BSPH1: variants seen among roughly 807,000 people sequenced by gnomAD.
The protein encoded by BSPH1 is binder of sperm 1.
BSPH1 carries 21 observed loss-of-function variants against 22.5 expected under a neutral mutation model. That is an observed-to-expected ratio of 0.93 (90% confidence interval 0.66 to 1.35). BSPH1 has a LOEUF of 1.35. Ranked by LOEUF, BSPH1 falls within the 40% of genes most tolerant of loss-of-function variation. BSPH1 has a pLI of 0.00. For synonymous variants in BSPH1, 42 were observed against 53.6 expected, an observed-to-expected ratio of 0.78 and a Z score of 0.95; for missense variants, 141 against 154.2, an observed-to-expected ratio of 0.91 and a Z score of 0.45.
intron 1 of BSPH1, among the ~76,000 whole-genome samples, chr19:47,981,985 G>C (rs929094231): frequency 1.3e-5 from 2 of 152,102 alleles, no homozygotes; most frequent in Non-Finnish European, 2.9e-5. Context: ...TCATTTAATT[G>C]AGGCTTTAAG....
chr19:47,976,928 C>T, intron 4 of BSPH1, 74 bp from the exon 5 acceptor site: 2 of 1,343,618 alleles, frequency 1.5e-6, no homozygotes, highest in South Asian at 2.6e-5. Flanking sequence ...ACACCATGCA[C>T]ACACATGCAC....
chr19:47,989,492 G>A (rs1321606285), intron 1 of BSPH1, among the ~76,000 whole-genome samples: 1 of 151,926 alleles, frequency 6.6e-6, no homozygotes, highest in Admixed American at 6.6e-5. Flanking sequence ...TGATGAGGAT[G>A]AGGAGGAACC....
rs189761956 is a variant in BSPH1, at chr19:47,984,817, C to T, written c.74-3876G>A. Reference sequence around the variant, plus strand: ...GATGGCCGGGTGCAGTGGCTCATGCCTGTAATCCCAGCACTTTGGGAAGCT... The same window carrying T: ...GATGGCCGGGTGCAGTGGCTCATGCTTGTAATCCCAGCACTTTGGGAAGCT... On this transcript the variant is annotated intron_variant, in intron 1 of 5. Transcript: ENST00000344839. 3.0e-3 allele frequency among the ~76,000 whole-genome samples: 455 copies of T among 152,196 alleles called. 1 individual carries two copies. The highest frequency in any genetic ancestry group is 0.01 in the African/African-American group (429 of 41,540).
intron 1 of BSPH1, chr19:47,981,850 C>T (rs985715910): frequency 2.3e-6 from 1 of 426,480 alleles, no homozygotes; most frequent in Non-Finnish European, 3.1e-6. Context: ...TTACCTCCCC[C>T]TCCTTAGAAC....
intron 5 of BSPH1, among the ~76,000 whole-genome samples, chr19:47,974,276 T>C (rs1198866768): frequency 1.3e-5 from 2 of 149,460 alleles, no homozygotes; most frequent in African/African-American, 2.5e-5. Flanking sequence ...TCTCTTTTTT[T>C]TTTTTTTTTT....
chr19:47,986,686 A>C (rs529103693), intron 1 of BSPH1, among the ~76,000 whole-genome samples: 1 of 152,174 alleles, frequency 6.6e-6, no homozygotes, highest in South Asian at 2.1e-4. Flanking sequence ...TCAAGACTGC[A>C]GTGAGCCGTG....
At chr19:47,980,412 G>A (rs375946497) in intron 2 of BSPH1, 1 of 535,980 alleles carries the variant, frequency 1.9e-6, no homozygotes, top group Non-Finnish European at 2.4e-6. Context: ...TACATGTAAT[G>A]ACATGTTTAA....
At chr19:47,968,985 C>T (rs1327005306) in intron 5 of BSPH1, among the ~76,000 whole-genome samples, 5 of 142,950 alleles carry the variant, frequency 3.5e-5, no homozygotes, top group Middle Eastern at 3.6e-3. Context: ...GGCGACAGAG[C>T]GAGACCCTAT....
chr19:47,969,724 A>AGAGAGAGG (rs1568394481), intron 5 of BSPH1, among the ~76,000 whole-genome samples: 3 of 129,478 alleles, frequency 2.3e-5, no homozygotes, highest in Admixed American at 8.1e-5. Context: ...AGAGAGAGAG[A>AGAGAGAGG]GACTTTAGAA....
chr19:47,978,991 T>G (rs537825644), intron 3 of BSPH1, among the ~76,000 whole-genome samples: 6 of 152,366 alleles, frequency 3.9e-5, no homozygotes, highest in Admixed American at 3.9e-4. Flanking sequence ...TTCTAATATA[T>G]CCTGGGATCC....
At chr19:47,988,102 A>G (rs1278272547) in intron 1 of BSPH1, among the ~76,000 whole-genome samples, 2 of 152,204 alleles carry the variant, frequency 1.3e-5, no homozygotes, top group African/African-American at 4.8e-5. Context: ...ATGAACCTGG[A>G]GGACATTATG....
In BSPH1 at chr19:47,978,112, T is replaced by C. The variant is rs1325217121; in HGVS notation, c.125-608A>G. Among the ~76,000 whole-genome samples, 4 of 151,192 alleles carry C rather than the reference T, an allele frequency of 2.6e-5. No individual in the cohort carries two copies. The East Asian group carries it at 7.8e-4, about 29-fold the overall frequency. On this transcript the variant is annotated intron_variant, in intron 3 of 5. Coordinates refer to ENST00000344839, the MANE Select transcript of BSPH1 (RefSeq NM_001128326.2). ...AAATGAATCATATTTTATACTTGAGTTTCCGACTTAACACATCACAGAAAT... is the reference window on the plus strand; with the variant it reads ...AAATGAATCATATTTTATACTTGAGCTTCCGACTTAACACATCACAGAAAT...
chr19:47,976,603 A>T, intron 5 of BSPH1, 107 bp downstream of exon 5: 2 of 812,636 alleles, frequency 2.5e-6, no homozygotes, highest in Non-Finnish European at 3.7e-6. Context: ...AAAACAAAAA[A>T]AAACCCTCTC....
At chr19:47,990,117 T>G (rs1969509068) in intron 1 of BSPH1, among the ~76,000 whole-genome samples, 1 of 41,974 alleles carries the variant, frequency 2.4e-5, no homozygotes, top group Non-Finnish European at 4.0e-5. Flanking sequence ...AGACTCCATC[T>G]CAAAAAAAAA....
intron 5 of BSPH1, among the ~76,000 whole-genome samples, chr19:47,970,205 C>T (rs910136291): frequency 3.9e-5 from 6 of 152,038 alleles, no homozygotes; most frequent in Non-Finnish European, 8.8e-5. Context: ...ATCACAAGTG[C>T]GCACTAACAC....
chr19:47,979,592 T>C lies in BSPH1; in HGVS notation c.102A>G (p.Ile34Met). ...TACCTGTAACTTCTGGAAAATGAGT[T>C]ATAGTTTCTGAAAAATAAAATTTAG... ...LNELSSTVETITHFPEVTDGE... is the reference protein window; with the variant it reads ...LNELSSTVETMTHFPEVTDGE... The change falls in exon 3 of 6, where the codon ATA (isoleucine) becomes ATG (methionine). Residue 34 changes from isoleucine (I) to methionine (M), a missense_variant. Physicochemically the swap from Ile to Met is conservative, Grantham distance 10. Coordinates refer to ENST00000344839, the MANE Select transcript of BSPH1 (RefSeq NM_001128326.2). The C allele has an allele frequency of 1.5e-6, 2 of 1,339,202 alleles. No homozygotes were observed. Among genetic ancestry groups the C allele is most frequent in the Non-Finnish European group, 2.0e-6 (2 of 987,402 alleles). The allele number at this position is 1,339,202 out of a possible 1,614,324, so 83.0% of individuals were successfully genotyped here. A position where few individuals can be genotyped will look rare whatever the true frequency, so the allele number is the denominator to read the frequency against.
At position 47,992,158 on chromosome 19, in the gene BSPH1, C is replaced by T; in HGVS notation, c.-77G>A. 9.5e-6 allele frequency: 11 copies of T among 1,155,204 alleles called. No individual in the cohort carries two copies. The South Asian group carries it at 9.6e-5, about 10-fold the overall frequency. The allele number at this position is 1,155,204 out of a possible 1,614,324, so 71.6% of individuals were successfully genotyped here. A position where few individuals can be genotyped will look rare whatever the true frequency, so the allele number is the denominator to read the frequency against. ...AGGGCTCAAGAATCCCCTGGAGAGG[C>T]CCAGGGAGGCTTCTTGGAAAAGCAG... On this transcript the variant is annotated 5_prime_UTR_variant, in exon 1 of 6. Coordinates refer to ENST00000344839, the MANE Select transcript of BSPH1 (RefSeq NM_001128326.2).
intron 5 of BSPH1, among the ~76,000 whole-genome samples, chr19:47,975,113 C>T (rs1463428901): frequency 6.6e-6 from 1 of 152,232 alleles, no homozygotes; most frequent in African/African-American, 2.4e-5. Flanking sequence ...TCCACTCCCT[C>T]CTCCTGGGAT....
intron 1 of BSPH1, among the ~76,000 whole-genome samples, chr19:47,989,433 C>T (rs899873305): frequency 2.6e-5 from 4 of 151,926 alleles, no homozygotes; most frequent in African/African-American, 4.8e-5. Flanking sequence ...TGTGAGCCAC[C>T]GCACCCAGTC....
Sources: gnomAD v4.1 joint callset for allele counts (sites outside exome capture counted in the v4.1 genomes callset) on GRCh38, gnomAD v4.1.1 for gene constraint, MANE v1.5 for transcripts, NCBI Gene and HGNC (gene_info 2026-07-23, HGNC 2026-07-21) for gene names.